Variants in SRFBP1 observed in about 807,000 individuals in gnomAD.
The protein encoded by SRFBP1 is serum response factor-binding protein 1.
A neutral mutation model predicts 45.5 loss-of-function variants in SRFBP1; 47 were observed. The ratio of observed to expected loss-of-function variants is 1.03; its 90% CI spans 0.82 to 1.32. The LOEUF (loss-of-function observed/expected upper bound fraction) is 1.32, where lower values mean the gene tolerates loss of function less well. SRFBP1 is among the 40% of genes most tolerant of loss of function. SRFBP1 has a pLI of 0.00. For synonymous variants in SRFBP1, 203 were observed against 166.3 expected, an observed-to-expected ratio of 1.22 and a Z score of -1.70; for missense variants, 621 against 484.6, an observed-to-expected ratio of 1.28 and a Z score of -2.64.
chr5:121,962,057 C>T lies in SRFBP1; in HGVS notation c.25C>T (p.Leu9Phe), dbSNP rs779190354. 54 of 1,614,098 alleles carry T rather than the reference C, an allele frequency of 3.3e-5. 1 individual carries two copies. The South Asian group carries it at 5.7e-4, about 17-fold the overall frequency. MAQPGTLN[L>F]NNEVVKMRKE... ...CATGGCTCAGCCGGGAACTCTGAACCTCAATAACGAGGTGAGCGCCGAGGA... is the reference window on the plus strand; with the variant it reads ...CATGGCTCAGCCGGGAACTCTGAACTTCAATAACGAGGTGAGCGCCGAGGA... Residue 9 changes from leucine to phenylalanine, a missense_variant, in exon 1 of 8, where the codon CTC becomes TTC. Leu to Phe is a conservative substitution (Grantham distance 22). Transcript: ENST00000339397.
At chr5:122,052,321 A>G (rs894088614) in intron 2 of SRFBP1, among the ~76,000 whole-genome samples, 7 of 152,180 alleles carry the variant, frequency 4.6e-5, no homozygotes, top group African/African-American at 1.7e-4. Flanking sequence ...GTTTTCATGC[A>G]TGATATTCTG....
downstream of SRFBP1, chr5:122,028,653 A>C (rs1753539253): frequency 6.6e-6 from 1 of 152,086 alleles, no homozygotes; most frequent in Non-Finnish European, 1.5e-5. Context: ...TCAAGGGATT[A>C]TGCAGAGAGA....
chr5:122,043,302 G>A (rs1398012284), intron 2 of SRFBP1, among the ~76,000 whole-genome samples: 1 of 151,680 alleles, frequency 6.6e-6, no homozygotes, highest in Admixed American at 6.6e-5. Flanking sequence ...TGCAACCTCT[G>A]CTTCCTGGGT....
Position 122,028,630 on chromosome 5 carries a change from A to G in SRFBP1, c.*1504A>G, listed in dbSNP as rs1393383514. ...AAAAAAAAAAAAAAATTTGATAAAT[A>G]GAATAATGGAATTCAAGGGATTATG... On this transcript the variant is annotated 3_prime_UTR_variant, in exon 8 of 8. Transcript: ENST00000339397. 2 of 152,238 alleles carry G rather than the reference A, an allele frequency of 1.3e-5. No individual in the cohort carries two copies. The highest frequency in any genetic ancestry group is 1.9e-4 in the East Asian group (1 of 5,190). 9.4% of individuals were successfully genotyped at this position (152,238 alleles called of 1,614,324 possible).
chr5:122,050,844 G>C (rs147132645), intron 2 of SRFBP1, among the ~76,000 whole-genome samples: 25 of 151,448 alleles, frequency 1.7e-4, no homozygotes, highest in African/African-American at 5.8e-4. Context: ...TGTAATGTTA[G>C]GTTGTTAATT....
intron 4 of SRFBP1, among the ~76,000 whole-genome samples, chr5:121,997,542 G>A (rs1477582389): frequency 1.3e-5 from 2 of 151,540 alleles, no homozygotes; most frequent in Non-Finnish European, 3.0e-5. Context: ...TTAAACGTTA[G>A]ACCTAAAACC....
At chr5:122,062,200 C>A (rs1245783547) in intron 2 of SRFBP1, among the ~76,000 whole-genome samples, 4 of 151,890 alleles carry the variant, frequency 2.6e-5, no homozygotes, top group South Asian at 2.1e-4. Context: ...TCTTGTGAAA[C>A]TGGAACTCTT....
chr5:122,053,847 C>A (rs1452550626), intron 2 of SRFBP1, among the ~76,000 whole-genome samples: 1 of 152,082 alleles, frequency 6.6e-6, no homozygotes, highest in Non-Finnish European at 1.5e-5. Context: ...AGTCACATGC[C>A]CTGCCACCCA....
intron 1 of SRFBP1, among the ~76,000 whole-genome samples, chr5:121,972,813 A>G (rs919867136): frequency 6.6e-6 from 1 of 151,838 alleles, no homozygotes; most frequent in Non-Finnish European, 1.5e-5. Context: ...GAGTGATGAC[A>G]AGGTTGACAG....
chr5:122,077,344 G>A, downstream of SRFBP1: 2 of 1,613,622 alleles, frequency 1.2e-6, no homozygotes, highest in Non-Finnish European at 8.5e-7. The surrounding 1 kb of genome is among the most constrained non-coding windows in gnomAD (Gnocchi z 4.9). Context: ...AGCGGACTTG[G>A]GGGTACTTAC....
At chr5:122,010,314 T>C (rs1336706036) in intron 4 of SRFBP1, among the ~76,000 whole-genome samples, 2 of 152,144 alleles carry the variant, frequency 1.3e-5, no homozygotes, top group Non-Finnish European at 2.9e-5. Context: ...ATGTGTTCGT[T>C]CTTCCTTAGT....
At chr5:121,995,326 A>G (rs1167726545) in intron 4 of SRFBP1, among the ~76,000 whole-genome samples, 1 of 152,220 alleles carries the variant, frequency 6.6e-6, no homozygotes, top group Non-Finnish European at 1.5e-5. Context: ...CTCAGACTGC[A>G]GTGCAATCAA....
intron 3 of SRFBP1, among the ~76,000 whole-genome samples, chr5:121,992,754 A>G (rs916053021): frequency 3.9e-5 from 6 of 152,084 alleles, no homozygotes; most frequent in African/African-American, 1.4e-4. Context: ...TCCACTTATT[A>G]GCCCATTTTA....
At chr5:121,963,143 G>T (rs560674288) in intron 1 of SRFBP1, among the ~76,000 whole-genome samples, 2 of 152,288 alleles carry the variant, frequency 1.3e-5, no homozygotes, top group African/African-American at 4.8e-5. Flanking sequence ...GTATAAGCAG[G>T]AAAGGGCTAG....
chr5:121,992,349 C>A lies in SRFBP1; in HGVS notation c.199-2250C>A, dbSNP rs558763497. ...TTCCCTCTTTCTTTCTCTTCTCCCC[C>A]CTCCACCTCCACCATTTCCCACACT... On this transcript the variant is annotated intron_variant, in intron 3 of 7. Transcript: ENST00000339397. 2.0e-5 allele frequency among the ~76,000 whole-genome samples: 3 copies of A among 152,088 alleles called. No homozygotes were observed. The South Asian group carries it at 6.2e-4, about 32-fold the overall frequency.
At chr5:122,046,967 T>C (rs1223642738) in intron 2 of SRFBP1, among the ~76,000 whole-genome samples, 1 of 152,204 alleles carries the variant, frequency 6.6e-6, no homozygotes, top group Non-Finnish European at 1.5e-5. Context: ...GATGAGTAGG[T>C]TGCAGACATT....
rs1352260093 is a variant in SRFBP1 at position 121,961,977 on chromosome 5, G to T, written c.-56G>T. ...TTGAGGGGCGTGGCGACGCAGCCGCGGTCTGAGAGACCGGTTCACGTGCAG... is the reference window on the plus strand; with the variant it reads ...TTGAGGGGCGTGGCGACGCAGCCGCTGTCTGAGAGACCGGTTCACGTGCAG... On this transcript the variant is annotated 5_prime_UTR_variant, in exon 1 of 8. Coordinates refer to ENST00000339397, the MANE Select transcript of SRFBP1 (RefSeq NM_152546.3). The T allele has an allele frequency of 1.9e-6, 3 of 1,611,790 alleles. No individual in the cohort carries two copies. Among genetic ancestry groups the T allele is most frequent in the Admixed American group, 1.7e-5 (1 of 59,968 alleles).
At chr5:121,984,338 T>A (rs1376975875) in intron 3 of SRFBP1, among the ~76,000 whole-genome samples, 3 of 151,842 alleles carry the variant, frequency 2.0e-5, no homozygotes, top group African/African-American at 7.2e-5. Context: ...CCCTGCTTAC[T>A]TCATCTTCAT....
chr5:122,078,121 C>T, downstream of SRFBP1: 1 of 744,496 alleles, frequency 1.3e-6, no homozygotes, highest in Non-Finnish European at 1.9e-6. Context: ...CAGTCTCCAC[C>T]AAGCAATGCC....
Sources: gnomAD v4.1 joint callset for allele counts (sites outside exome capture counted in the v4.1 genomes callset) on GRCh38, gnomAD v4.1.1 for gene constraint, Gnocchi (gnomAD v3.1) non-coding constraint, MANE v1.5 for transcripts, NCBI Gene and HGNC (gene_info 2026-07-23, HGNC 2026-07-21) for gene names.